UBXN2B: variants seen among roughly 807,000 people sequenced by gnomAD.
UBXN2B encodes UBX domain-containing protein 2B.
Under a neutral mutation model 37.5 loss-of-function variants are expected in UBXN2B, and 19 were observed. The observed-to-expected ratio is 0.51, with a 90% CI of 0.35 to 0.74. The LOEUF (loss-of-function observed/expected upper bound fraction) is 0.74, where lower values mean the gene tolerates loss of function less well. Ranked by LOEUF, UBXN2B falls within the 30% of genes least tolerant of loss-of-function variation. The probability of loss-of-function intolerance (pLI) is 0.01; values close to 1 mark genes in which losing one functional copy is unlikely to be tolerated. For missense variants in UBXN2B, 370 were observed against 393.2 expected (o/e 0.94, Z 0.50); for synonymous variants, 145 against 143.8 (o/e 1.01, Z -0.06).
intron 6 of UBXN2B, among the ~76,000 whole-genome samples, chr8:58,440,651 G>C (rs1440857836): frequency 6.6e-6 from 1 of 152,134 alleles, no homozygotes; most frequent in African/African-American, 2.4e-5. Flanking sequence ...TGCCACATTG[G>C]CAATGTTTCC....
chr8:58,431,934 ATTATT>A (rs1808290500), intron 3 of UBXN2B, among the ~76,000 whole-genome samples: 1 of 151,838 alleles, frequency 6.6e-6, no homozygotes, highest in Admixed American at 6.6e-5. Flanking sequence ...CTCTAATTGG[ATTATT>A]TTGTTACTGT....
Position 58,447,498 on chromosome 8 carries a change from A to G in UBXN2B, c.943A>G (p.Thr315Ala). Residue 315 changes from threonine to alanine, a missense_variant, in exon 8 of 8, where the codon ACA (threonine) becomes GCA (alanine). By Grantham distance (58) the Thr-to-Ala change is moderately conservative. Coordinates refer to ENST00000399598, the MANE Select transcript of UBXN2B (RefSeq NM_001077619.2). ...PNKELTDESLTLLEADILNTV... is the reference protein window; with the variant it reads ...PNKELTDESLALLEADILNTV... ...TAAAGAGCTAACAGATGAAAGCCTG[A>G]CACTGCTAGAAGCAGATATTCTTAA... 1 of 1,613,418 alleles carries G rather than the reference A, an allele frequency of 6.2e-7. No individual in the cohort carries two copies. The highest frequency in any genetic ancestry group is 8.5e-7 in the Non-Finnish European group (1 of 1,179,556).
intron 1 of UBXN2B, 37 bp downstream of exon 1, chr8:58,411,506 G>A (rs955510634): frequency 7.2e-6 from 9 of 1,245,168 alleles, no homozygotes; most frequent in Non-Finnish European, 9.1e-6. Context: ...CGCGGCGGTG[G>A]ACGCGGGCTG....
At chr8:58,425,083 A>T in intron 2 of UBXN2B, 1 of 786,874 alleles carries the variant, frequency 1.3e-6, no homozygotes, top group Non-Finnish European at 2.3e-6. Flanking sequence ...CCTGGGGTCA[A>T]TGGGCACTCC....
intron 3 of UBXN2B, among the ~76,000 whole-genome samples, chr8:58,432,666 G>C (rs985940978): frequency 6.6e-6 from 1 of 152,102 alleles, no homozygotes; most frequent in Non-Finnish European, 1.5e-5. Context: ...ACGAGCATGA[G>C]CCACCTCTAT....
intron 2 of UBXN2B, chr8:58,426,039 C>G (rs1042871096): frequency 5.7e-6 from 8 of 1,396,806 alleles, no homozygotes; most frequent in Non-Finnish European, 8.1e-6. Context: ...AACCACCTTT[C>G]AGAGGCAGGA....
intron 6 of UBXN2B, among the ~76,000 whole-genome samples, chr8:58,443,528 C>T (rs1035079172): frequency 1.3e-5 from 2 of 151,678 alleles, no homozygotes; most frequent in African/African-American, 4.8e-5. Flanking sequence ...CACAGTGGCT[C>T]ACACCTGTAA....
At chr8:58,417,204 G>T (rs1807807750) in intron 2 of UBXN2B, among the ~76,000 whole-genome samples, 1 of 152,070 alleles carries the variant, frequency 6.6e-6, no homozygotes, top group Non-Finnish European at 1.5e-5. Flanking sequence ...TAATATTTTG[G>T]TAGATATCAT....
intron 6 of UBXN2B, among the ~76,000 whole-genome samples, chr8:58,441,579 T>C (rs1344699259): frequency 6.6e-6 from 1 of 152,094 alleles, no homozygotes; most frequent in African/African-American, 2.4e-5. Flanking sequence ...CGCACATCCT[T>C]GTTAGTAGAC....
chr8:58,413,108 G>A (rs34049384), intron 1 of UBXN2B, among the ~76,000 whole-genome samples: 40,721 of 152,088 alleles, frequency 0.27, 5,948 homozygotes, highest in Admixed American at 0.45. Context: ...ATTAATGTTT[G>A]GAGATACTCT....
At chr8:58,421,389 T>A (rs934350611) in intron 2 of UBXN2B, among the ~76,000 whole-genome samples, 4 of 152,034 alleles carry the variant, frequency 2.6e-5, no homozygotes, top group African/African-American at 4.8e-5. Flanking sequence ...TTGTCTTTTT[T>A]AAAAAAACCC....
At chr8:58,420,213 T>G (rs1807890142) in intron 2 of UBXN2B, among the ~76,000 whole-genome samples, 1 of 152,208 alleles carries the variant, frequency 6.6e-6, no homozygotes, top group Admixed American at 6.5e-5. Flanking sequence ...CCATACAGTT[T>G]ACAAATACAC....
intron 1 of UBXN2B, among the ~76,000 whole-genome samples, chr8:58,414,982 C>A (rs1254848792): frequency 6.6e-6 from 1 of 152,092 alleles, no homozygotes; most frequent in Non-Finnish European, 1.5e-5. Flanking sequence ...ATTTAAAATA[C>A]ATCTATCTAT....
chr8:58,433,996 T>C (rs1433641117), intron 4 of UBXN2B, among the ~76,000 whole-genome samples: 2 of 152,148 alleles, frequency 1.3e-5, no homozygotes, highest in Admixed American at 1.3e-4. Context: ...AGGATGAATA[T>C]TTAAGCTCTG....
At chr8:58,436,014 A>C (rs1389132505) in intron 5 of UBXN2B, among the ~76,000 whole-genome samples, 1 of 152,224 alleles carries the variant, frequency 6.6e-6, no homozygotes, top group African/African-American at 2.4e-5. Context: ...ATATTGAAGA[A>C]ATAAAGTAAT....
intron 1 of UBXN2B, among the ~76,000 whole-genome samples, chr8:58,415,212 TAGAAA>T (rs1807744694): frequency 6.6e-6 from 1 of 152,182 alleles, no homozygotes; most frequent in Admixed American, 6.5e-5. Context: ...TTAAGAAGAT[TAGAAA>T]AGGTTTTGTG....
chr8:58,425,781 G>C (rs1563459897), intron 2 of UBXN2B: 1 of 1,161,494 alleles, frequency 8.6e-7, no homozygotes, highest in South Asian at 1.2e-5. Flanking sequence ...TTCTTGTAAT[G>C]TTCCACAAGA....
intron 6 of UBXN2B, 119 bp downstream of exon 6, chr8:58,439,889 T>C (rs760973282): frequency 2.4e-4 from 194 of 812,022 alleles, no homozygotes; most frequent in Non-Finnish European, 3.4e-4. Flanking sequence ...ACATTAGATA[T>C]ATACATCTGT....
Position 58,451,172 on chromosome 8 carries a change from T to C in UBXN2B, c.*3621T>C, listed in dbSNP as rs890928781. 1 of 152,616 alleles carries C rather than the reference T, an allele frequency of 6.6e-6. No homozygotes were observed. The highest frequency in any genetic ancestry group is 1.5e-5 in the Non-Finnish European group (1 of 68,052). 9.5% of individuals were successfully genotyped at this position (152,616 alleles called of 1,614,324 possible). ...ATTATTTGAAATTTTCTTGTTTTTA[T>C]CAGTTGAGTGCCTATAGATGCACAT... On this transcript the variant is annotated 3_prime_UTR_variant, in exon 8 of 8. Transcript: ENST00000399598.
Sources: allele counts gnomAD v4.1 joint callset (sites outside exome capture counted in the v4.1 genomes callset), GRCh38; gene constraint gnomAD v4.1.1; transcripts MANE v1.5; gene names NCBI Gene and HGNC (gene_info 2026-07-23, HGNC 2026-07-21).